The following TTLL8 variants were observed in gnomAD, a reference collection of about 807,000 sequenced individuals.
The protein encoded by TTLL8 is protein monoglycylase TTLL8.
Under a neutral mutation model 77.8 loss-of-function variants are expected in TTLL8, and 65 were observed. The ratio of observed to expected loss-of-function variants is 0.84; its 90% CI spans 0.68 to 1.03. The LOEUF (loss-of-function observed/expected upper bound fraction) is 1.03, where lower values mean the gene tolerates loss of function less well. Ranked by LOEUF, TTLL8 falls within the 50% of genes least tolerant of loss-of-function variation. The pLI, the probability that TTLL8 is intolerant of heterozygous loss-of-function variation, is 0.00. For synonymous variants in TTLL8, 402 were observed against 422.8 expected (o/e 0.95, Z 0.60); for missense variants, 910 against 1,004.5 (o/e 0.91, Z 1.27).
intron 12 of TTLL8, chr22:50,030,075 C>T (rs1185587383): frequency 1.3e-6 from 1 of 797,890 alleles, no homozygotes; most frequent in Non-Finnish European, 1.5e-6. Flanking sequence ...GGCCAGGGAG[C>T]TTGGTGCTGT....
chr22:50,037,617 A>C (rs1352870351), intron 8 of TTLL8, among the ~76,000 whole-genome samples: 1 of 152,202 alleles, frequency 6.6e-6, no homozygotes, highest in Non-Finnish European at 1.5e-5. Flanking sequence ...CCACTGTTTA[A>C]GCATCATTTA....
Position 50,032,113 on chromosome 22 carries a change from CA to C in TTLL8, c.1284-5del, listed in dbSNP as rs776778768. 4 of 1,352,046 alleles carry C rather than the reference CA, an allele frequency of 3.0e-6. No homozygotes were observed. The highest frequency in any genetic ancestry group is 3.9e-6 in the Non-Finnish European group (4 of 1,013,276). The allele number at this position is 1,352,046 out of a possible 1,614,324, so 83.8% of individuals were successfully genotyped here. On this transcript the variant is annotated splice_region_variant and splice_polypyrimidine_tract_variant and intron_variant, in intron 10 of 13. Transcript: ENST00000266182. ...GTTGTTGCACAGGTGGATGGCGCTG[CA>C]GGGGGGACGAGGGGCAGGTGCTCAG...
At position 50,034,629 on chromosome 22, in the gene TTLL8, C is replaced by T. The variant is rs1274027421; in HGVS notation, c.922-167G>A. Reference sequence around the variant, plus strand: ...CTGGCGGGAAAGGGCTGCGGGTCGGCCCAGGAAGTTCTCCCAACAGTATGG... The same window carrying T: ...CTGGCGGGAAAGGGCTGCGGGTCGGTCCAGGAAGTTCTCCCAACAGTATGG... On this transcript the variant is annotated intron_variant, in intron 8 of 13. Transcript: ENST00000266182. The surrounding 1 kb of genome is among the most constrained non-coding windows in gnomAD (Gnocchi z 4.1). 3.5e-6 allele frequency: 2 copies of T among 576,208 alleles called. No homozygotes were observed. Among genetic ancestry groups the T allele is most frequent in the Non-Finnish European group, 5.3e-6 (2 of 377,818 alleles). The allele number at this position is 576,208 out of a possible 1,614,324, so 35.7% of individuals were successfully genotyped here. A position where few individuals can be genotyped will look rare whatever the true frequency, so the allele number is the denominator to read the frequency against.
chr22:50,045,164 T>C (rs1411552853), intron 6 of TTLL8, 91 bp downstream of exon 8: 1 of 1,256,120 alleles, frequency 8.0e-7, no homozygotes, highest in Non-Finnish European at 1.0e-6. Context: ...GCTGCAACCC[T>C]CAGGACTGAC....
At chr22:50,031,479 G>C (rs532465761) in intron 11 of TTLL8, 5 of 912,082 alleles carry the variant, frequency 5.5e-6, no homozygotes, top group South Asian at 5.0e-5. Flanking sequence ...CCCCTTCCTC[G>C]GTGCCGACGA....
intron 8 of TTLL8, among the ~76,000 whole-genome samples, chr22:50,039,060 A>G (rs2061353032): frequency 6.6e-6 from 1 of 152,194 alleles, no homozygotes; most frequent in Non-Finnish European, 1.5e-5. Context: ...ATTAAATAAT[A>G]TTTCGGTTAA....
At chr22:50,040,942 G>C (rs931311714) in intron 8 of TTLL8, among the ~76,000 whole-genome samples, 1 of 152,150 alleles carries the variant, frequency 6.6e-6, no homozygotes, top group African/African-American at 2.4e-5. Context: ...GGGCAAGAAG[G>C]CCAGGGTCAG....
At chr22:50,033,061 G>C in intron 10 of TTLL8, 141 bp downstream of exon 11, 1 of 1,119,526 alleles carries the variant, frequency 8.9e-7, no homozygotes, top group Non-Finnish European at 1.2e-6. Context: ...CCAAGCCTCA[G>C]TTTCCCCATC....
intron 5 of TTLL8, 42 bp from the exon 8 acceptor site, chr22:50,045,431 G>A: frequency 5.2e-6 from 7 of 1,354,456 alleles, no homozygotes; most frequent in South Asian, 1.1e-5. Flanking sequence ...TCCGAGCCAG[G>A]ACTGGGGACT....
rs774644226 is a variant in TTLL8 at position 50,041,710 on chromosome 22, A to T, written c.741T>A (p.His247Gln). 2 of 1,366,638 alleles carry T rather than the reference A, an allele frequency of 1.5e-6. No homozygotes were observed. The highest frequency in any genetic ancestry group is 3.0e-5 in the African/African-American group (2 of 67,696). The allele number at this position is 1,366,638 out of a possible 1,614,324, so 84.7% of individuals were successfully genotyped here. A position where few individuals can be genotyped will look rare whatever the true frequency, so the allele number is the denominator to read the frequency against. ...CATCTGCTGACGTGTCGATGTCCTC[A>T]TGCTCCAGCTGCCCCAGGTAGGCCT... is the stretch of plus-strand genomic sequence containing the variant. The change falls in exon 7 of 14, where the codon CAT becomes CAA. Residue 247 changes from histidine to glutamine, a missense_variant. Around this residue, in one of 2 missense-constraint regions of TTLL8, gnomAD observed 776 missense variants for 926.1 expected, o/e 0.84. Coordinates refer to ENST00000266182, the Ensembl canonical transcript of TTLL8. This position sits in a 1 kb window ranked among gnomAD's most constrained non-coding sequence, Gnocchi z 4.3.
rs372818678 is a variant in TTLL8, at chr22:50,049,258, G to A, written c.255C>T (p.His85=). 5.6e-5 allele frequency: 76 copies of A among 1,367,570 alleles called. 1 individual carries two copies. In the South Asian group the frequency reaches 7.6e-4, roughly 14 times the overall value. 84.7% of individuals were successfully genotyped at this position (1,367,570 alleles called of 1,614,324 possible). A position where few individuals can be genotyped will look rare whatever the true frequency, so the allele number is the denominator to read the frequency against. ...CATGCAGGGGACGTACCATCACGTCGTGGATGTTGTCTGTTTTCTCCAAAG... is the reference window on the plus strand; with the variant it reads ...CATGCAGGGGACGTACCATCACGTCATGGATGTTGTCTGTTTTCTCCAAAG... Residue 85 remains histidine (H), a synonymous_variant, in exon 3 of 14, where the codon CAC becomes CAT. Transcript: ENST00000266182.
At chr22:50,053,611 G>A (rs1030950340) in intron 1 of TTLL8, among the ~76,000 whole-genome samples, 2 of 152,182 alleles carry the variant, frequency 1.3e-5, no homozygotes, top group African/African-American at 4.8e-5. Context: ...AAGAAAATCT[G>A]AAAATTAATG....
intron 1 of TTLL8, among the ~76,000 whole-genome samples, chr22:50,052,065 C>CACTGAGTCTGAGT (rs2061446791): frequency 6.6e-6 from 1 of 152,000 alleles, no homozygotes; most frequent in Non-Finnish European, 1.5e-5. Context: ...TCTCTGGGAA[C>CACTGAGTCTGAGT]CCCGAGTCTG....
At chr22:50,025,244 A>G (rs1178121695) in intron 12 of TTLL8, among the ~76,000 whole-genome samples, 1 of 149,440 alleles carries the variant, frequency 6.7e-6, no homozygotes, top group East Asian at 2.0e-4. Flanking sequence ...CTGTGTACCC[A>G]CAGAAATAAA....
intron 3 of TTLL8, 95 bp downstream of exon 5, chr22:50,049,154 C>G: frequency 2.2e-6 from 3 of 1,338,148 alleles, no homozygotes; most frequent in Non-Finnish European, 3.0e-6. Flanking sequence ...GGCTGCCATC[C>G]CCCCAGGACA....
At position 50,043,091 on chromosome 22, in the gene TTLL8, G is replaced by A. The variant is rs1054467004; in HGVS notation, c.644-1284C>T. ...GTCAAAACCTGGAAGTGACCGAGAC[G>A]TCCTTCGGTAGATGGATAGACAGAT... On this transcript the variant is annotated intron_variant, in intron 6 of 13. Coordinates refer to ENST00000266182, the Ensembl canonical transcript of TTLL8. 9.2e-5 allele frequency among the ~76,000 whole-genome samples: 14 copies of A among 152,314 alleles called. No homozygotes were observed. The East Asian group carries it at 1.3e-3, about 15-fold the overall frequency.
At chr22:50,052,672 A>C (rs934235205) in intron 1 of TTLL8, among the ~76,000 whole-genome samples, 1 of 152,264 alleles carries the variant, frequency 6.6e-6, no homozygotes, top group African/African-American at 2.4e-5. Flanking sequence ...AATAAACATT[A>C]CTAAGGTAAA....
chr22:50,058,119 G>C (rs903419905), upstream of TTLL8, among the ~76,000 whole-genome samples: 7 of 152,022 alleles, frequency 4.6e-5, no homozygotes, highest in Non-Finnish European at 1.0e-4. This position sits in a 1 kb window ranked among gnomAD's most constrained non-coding sequence, Gnocchi z 4.2. Flanking sequence ...AAGCGCGGAC[G>C]GGCCTGGGGT....
Position 50,044,249 on chromosome 22 carries a change from C to T in TTLL8, c.643+1006G>A, listed in dbSNP as rs1244698079. ...AGGAGAATCGCTTGAACCCAGGAGG[C>T]GGAGGTTGCAGTGAGCCAAGATCAT... is the stretch of plus-strand genomic sequence containing the variant. On this transcript the variant is annotated intron_variant, in intron 6 of 13. Coordinates refer to ENST00000266182, the Ensembl canonical transcript of TTLL8. This position sits in a 1 kb window ranked among gnomAD's most constrained non-coding sequence, Gnocchi z 4.2. 2.6e-5 allele frequency among the ~76,000 whole-genome samples: 4 copies of T among 151,500 alleles called. No individual in the cohort carries two copies. The highest frequency in any genetic ancestry group is 6.6e-5 in the Admixed American group (1 of 15,182).
Sources: gnomAD v4.1 joint callset for allele counts (sites outside exome capture counted in the v4.1 genomes callset) on GRCh38, gnomAD v4.1.1 for gene constraint, gnomAD v4.1.1 regional missense constraint, Gnocchi (gnomAD v3.1) non-coding constraint, MANE v1.5 for transcripts, NCBI Gene and HGNC (gene_info 2026-07-23, HGNC 2026-07-21) for gene names.